CFHR5: variants seen among roughly 807,000 people sequenced by gnomAD.
CFHR5 encodes the protein complement factor H related 5, also known as complement factor H-related protein 5.
CFHR5 carries 73 observed loss-of-function variants against 62.9 expected under a neutral mutation model. The observed-to-expected ratio is 1.16, with a 90% CI of 0.96 to 1.41. The LOEUF is 1.41. CFHR5 is among the 40% of genes most tolerant of loss of function. The pLI, the probability that CFHR5 is intolerant of heterozygous loss-of-function variation, is 0.00. For missense variants in CFHR5, 779 were observed against 679.9 expected, an observed-to-expected ratio of 1.15 and a Z score of -1.62; for synonymous variants, 249 against 227.2, an observed-to-expected ratio of 1.10 and a Z score of -0.86.
chr1:196,999,645 G>A (rs1338719604), intron 7 of CFHR5, among the ~76,000 whole-genome samples: 1 of 144,156 alleles, frequency 6.9e-6, no homozygotes, highest in Non-Finnish European at 1.5e-5. Context: ...AGAATGATGT[G>A]GCATTCATAG....
At chr1:196,998,006 A>C in intron 6 of CFHR5, 122 bp from the exon 7 acceptor site, 1 of 638,796 alleles carries the variant, frequency 1.6e-6, no homozygotes, top group South Asian at 2.5e-5. Flanking sequence ...TATTTTGTGC[A>C]ATGAGATTAA....
At chr1:196,977,547 C>G, upstream of CFHR5, 1 of 861,762 alleles carries the variant, frequency 1.2e-6, no homozygotes, top group Non-Finnish European at 2.0e-6. Flanking sequence ...ACTAAACTAG[C>G]TTCCCCTTAG....
chr1:196,991,708 G>A (rs1259685444), intron 3 of CFHR5, among the ~76,000 whole-genome samples: 1 of 152,054 alleles, frequency 6.6e-6, no homozygotes, highest in Non-Finnish European at 1.5e-5. Flanking sequence ...CTGCAGAACA[G>A]CAAATATTGC....
At chr1:196,977,289 CTAG>C (rs1269353220), upstream of CFHR5, among the ~76,000 whole-genome samples, 6 of 125,008 alleles carry the variant, frequency 4.8e-5, no homozygotes, top group African/African-American at 1.8e-4. Flanking sequence ...GAACCCTTGG[CTAG>C]AAAAAAAAAA....
At chr1:197,002,278 A>G (rs1654172630) in intron 7 of CFHR5, among the ~76,000 whole-genome samples, 1 of 152,142 alleles carries the variant, frequency 6.6e-6, no homozygotes, top group Non-Finnish European at 1.5e-5. Context: ...AACAAAAAGA[A>G]TCGCTTTTTA....
chr1:196,994,198 A>G lies in CFHR5; in HGVS notation c.549A>G (p.Gly183=), dbSNP rs761827680. Residue 183 remains glycine (G), a synonymous_variant, in exon 4 of 10, where the codon GGA becomes GGG. Transcript: ENST00000256785. ...GCAGAAAAAATCTTATAAGAGTTGG[A>G]TCAGACTCAGTTCAATGTTACCAAT... ...FSCRKNLIRV[G]SDSVQCYQFG... The G allele has an allele frequency of 2.5e-6, 4 of 1,613,602 alleles. No individual in the cohort carries two copies. The highest frequency in any genetic ancestry group is 1.7e-5 in the Admixed American group (1 of 59,990).
intron 3 of CFHR5, among the ~76,000 whole-genome samples, chr1:196,990,270 A>G (rs1466242046): frequency 6.6e-6 from 1 of 151,588 alleles, no homozygotes; most frequent in Non-Finnish European, 1.5e-5. Context: ...GTGTCTCTGC[A>G]CGTGAGATAG....
At chr1:196,998,328 G>C (rs1332664) in intron 7 of CFHR5, 24 bp downstream of exon 7, 2 of 1,581,620 alleles carry the variant, frequency 1.3e-6, no homozygotes, top group Non-Finnish European at 1.7e-6. Flanking sequence ...AAAACATTTT[G>C]TTGATCTTGT....
At chr1:196,975,675 G>C (rs1653379227), upstream of CFHR5, among the ~76,000 whole-genome samples, 1 of 152,190 alleles carries the variant, frequency 6.6e-6, no homozygotes, top group African/African-American at 2.4e-5. Flanking sequence ...GGTGGTTAAG[G>C]AGGGAGATAA....
chr1:196,975,794 T>C (rs1298151229), upstream of CFHR5, among the ~76,000 whole-genome samples: 3 of 152,182 alleles, frequency 2.0e-5, no homozygotes, highest in East Asian at 5.8e-4. Flanking sequence ...GTAGACACAC[T>C]CTGCTGCTTC....
At chr1:196,996,242 A>G (rs768814530) in intron 6 of CFHR5, 41 bp downstream of exon 6, 230 of 1,469,940 alleles carry the variant, frequency 1.6e-4, no homozygotes, top group Non-Finnish European at 2.1e-4. Flanking sequence ...ATTATTTATC[A>G]TTTTGATTGG....
Position 196,996,134 on chromosome 1 carries a change from T to C in CFHR5, c.903T>C (p.Tyr301=), listed in dbSNP as rs886045751. The change falls in exon 6 of 10, where the codon TAT becomes TAC. Residue 301 remains tyrosine (Y), a synonymous_variant. Transcript: ENST00000256785. ...TCGAGGTGAATTGCAGAAATGAATA[T>C]GCAATGATTGGAAATAACATGATTA... The part of the protein sequence containing the change: ...VSVEVNCRNE[Y]AMIGNNMITC... 2 of 1,613,376 alleles carry C rather than the reference T, an allele frequency of 1.2e-6. No individual in the cohort carries two copies. The highest frequency in any genetic ancestry group is 2.2e-5 in the South Asian group (2 of 91,066).
intron 4 of CFHR5, 24 bp downstream of exon 4, chr1:196,994,280 T>C: frequency 1.3e-6 from 2 of 1,579,886 alleles, no homozygotes; most frequent in Admixed American, 1.7e-5. Flanking sequence ...TTAGAAGTGA[T>C]GAAACAAGAA....
chr1:196,993,785 T>C (rs1653913526), intron 3 of CFHR5, among the ~76,000 whole-genome samples: 1 of 152,166 alleles, frequency 6.6e-6, no homozygotes, highest in Non-Finnish European at 1.5e-5. Flanking sequence ...CTAATATTGC[T>C]AATTAAACAA....
rs1337430919 is a variant in CFHR5, at chr1:196,984,249, T to C, written c.430+112T>C. On this transcript the variant is annotated intron_variant, in intron 3 of 9. Transcript: ENST00000256785. ...GTTTCACCACTACTTCTATCATTAT[T>C]TATTTGATTTTCGGTTCCAATTGTG... The C allele has an allele frequency of 4.1e-6, 4 of 964,958 alleles. No individual in the cohort carries two copies. In the East Asian group the frequency reaches 1.1e-4, roughly 26 times the overall value. The allele number at this position is 964,958 out of a possible 1,614,324, so 59.8% of individuals were successfully genotyped here.
At chr1:196,984,215 T>A in intron 3 of CFHR5, 78 bp downstream of exon 3, 1 of 1,228,150 alleles carries the variant, frequency 8.1e-7, no homozygotes, top group Non-Finnish European at 1.2e-6. Flanking sequence ...AAATATAGGT[T>A]AAATATAGGT....
chr1:196,979,413 T>TAAGCTATACGGCC (rs1188974851), intron 1 of CFHR5, among the ~76,000 whole-genome samples: 2 of 152,034 alleles, frequency 1.3e-5, no homozygotes, highest in African/African-American at 4.8e-5. Flanking sequence ...ACTACCTAAC[T>TAAGCTATACGGCC]AAGCTATACG....
At chr1:196,986,262 T>C (rs1653678794) in intron 3 of CFHR5, among the ~76,000 whole-genome samples, 1 of 152,104 alleles carries the variant, frequency 6.6e-6, no homozygotes, top group South Asian at 2.1e-4. Flanking sequence ...CAGGGATTAG[T>C]ATGGCGTCAT....
At chr1:196,975,493 G>T (rs1217995686), upstream of CFHR5, among the ~76,000 whole-genome samples, 1 of 152,142 alleles carries the variant, frequency 6.6e-6, no homozygotes, top group African/African-American at 2.4e-5. Context: ...AGAAAAGATG[G>T]GATCAAATCT....
Sources: allele counts gnomAD v4.1 joint callset (sites outside exome capture counted in the v4.1 genomes callset), GRCh38; gene constraint gnomAD v4.1.1; transcripts MANE v1.5; gene names NCBI Gene and HGNC (gene_info 2026-07-23, HGNC 2026-07-21).